Variants in PDGFC observed in about 807,000 individuals in gnomAD.
PDGFC encodes platelet derived growth factor C.
Under a neutral mutation model 35.5 loss-of-function variants are expected in PDGFC, and 12 were observed. The ratio of observed to expected loss-of-function variants is 0.34; its 90% confidence interval spans 0.22 to 0.55. The LOEUF is 0.55. Ranked by LOEUF, PDGFC falls within the 20% of genes least tolerant of loss-of-function variation. PDGFC has a pLI of 0.91. For missense variants in PDGFC, 322 were observed against 412.4 expected (o/e 0.78, Z 1.90); for synonymous variants, 159 against 148.8 (o/e 1.07, Z -0.50).
At chr4:156,806,391 A>G (rs1181430317) in intron 3 of PDGFC, among the ~76,000 whole-genome samples, 1 of 152,118 alleles carries the variant, frequency 6.6e-6, no homozygotes, top group Non-Finnish European at 1.5e-5. Flanking sequence ...TATTGTAAAC[A>G]TTATCATTAC....
At chr4:156,920,460 T>C (rs981655539) in intron 1 of PDGFC, among the ~76,000 whole-genome samples, 1 of 152,142 alleles carries the variant, frequency 6.6e-6, no homozygotes, top group African/African-American at 2.4e-5. Flanking sequence ...AAGATGAGTC[T>C]GCCTCCAAAG....
intron 3 of PDGFC, among the ~76,000 whole-genome samples, chr4:156,806,894 A>G (rs1039699247): frequency 6.6e-6 from 1 of 152,092 alleles, no homozygotes; most frequent in Admixed American, 6.6e-5. Context: ...TTTCTAAAAG[A>G]TCTGAAATGT....
chr4:156,938,422 T>A (rs1049136135), intron 1 of PDGFC, among the ~76,000 whole-genome samples: 1 of 152,142 alleles, frequency 6.6e-6, no homozygotes, highest in Admixed American at 6.5e-5. Context: ...TGATCAGAGA[T>A]TCATGGTCCT....
chr4:156,772,637 T>A, intron 4 of PDGFC, 49 bp downstream of exon 4: 1 of 1,186,210 alleles, frequency 8.4e-7, no homozygotes. Context: ...TCTGAAACAT[T>A]AGCTGTTAAG....
chr4:156,954,834 C>T (rs926578057), intron 1 of PDGFC, among the ~76,000 whole-genome samples: 4 of 151,962 alleles, frequency 2.6e-5, no homozygotes, highest in Non-Finnish European at 4.4e-5. Context: ...TAGAACCCAT[C>T]AATGATGATT....
rs566898926 is a variant in PDGFC at position 156,925,194 on chromosome 4, A to C, written c.118+45592T>G. 1.5e-4 allele frequency among the ~76,000 whole-genome samples: 23 copies of C among 152,334 alleles called. No individual in the cohort carries two copies. The Middle Eastern group carries it at 0.01, about 68-fold the overall frequency. ...AACTGTATGGGCAAAGGCAAAAACT[A>C]GTATATAATCTTGTCAGTAAAGCAG... is the stretch of plus-strand genomic sequence containing the variant. On this transcript the variant is annotated intron_variant, in intron 1 of 5. Transcript: ENST00000502773.
chr4:156,816,936 A>C (rs1579028420), intron 2 of PDGFC, among the ~76,000 whole-genome samples: 1 of 152,288 alleles, frequency 6.6e-6, no homozygotes, highest in South Asian at 2.1e-4. Flanking sequence ...ATTTATTTTA[A>C]TTAATTTGGT....
At chr4:156,878,933 T>C (rs1428338030) in intron 1 of PDGFC, among the ~76,000 whole-genome samples, 17 of 152,218 alleles carry the variant, frequency 1.1e-4, no homozygotes, top group Non-Finnish European at 2.5e-4. Context: ...AAGACTACCA[T>C]GATGCTTGAC....
chr4:156,826,167 G>A (rs867571904), intron 2 of PDGFC, among the ~76,000 whole-genome samples: 82 of 116,318 alleles, frequency 7.0e-4, no homozygotes, highest in African/African-American at 2.6e-3. Flanking sequence ...ATCCAGCTTT[G>A]AGTTGGATTT....
At chr4:156,943,170 C>G (rs1398203985) in intron 1 of PDGFC, among the ~76,000 whole-genome samples, 1 of 152,024 alleles carries the variant, frequency 6.6e-6, no homozygotes, top group Non-Finnish European at 1.5e-5. Context: ...GCTCAACCCC[C>G]CGGTGTATCA....
At chr4:156,959,626 T>C (rs905662931) in intron 1 of PDGFC, among the ~76,000 whole-genome samples, 1 of 152,072 alleles carries the variant, frequency 6.6e-6, no homozygotes, top group Non-Finnish European at 1.5e-5. Flanking sequence ...GTATTTCCAG[T>C]GCTTTATGCA....
At chr4:156,784,324 T>TGGA (rs1731061300) in intron 3 of PDGFC, among the ~76,000 whole-genome samples, 1 of 152,098 alleles carries the variant, frequency 6.6e-6, no homozygotes. Flanking sequence ...GAAGAGAGCC[T>TGGA]GGAGGTCTTA....
chr4:156,774,672 A>T (rs79688303), intron 3 of PDGFC, among the ~76,000 whole-genome samples: 18,459 of 124,938 alleles, frequency 0.15, 1,188 homozygotes, highest in South Asian at 0.24. Context: ...TTTTTTTTTT[A>T]ACAAAAGTTT....
intron 3 of PDGFC, among the ~76,000 whole-genome samples, chr4:156,788,972 G>T (rs1025144603): frequency 6.6e-6 from 1 of 152,170 alleles, no homozygotes; most frequent in African/African-American, 2.4e-5. Flanking sequence ...TGGTTAGTTT[G>T]TTCTTGGGTT....
chr4:156,781,510 C>T (rs947113305), intron 3 of PDGFC, among the ~76,000 whole-genome samples: 2 of 152,158 alleles, frequency 1.3e-5, no homozygotes, highest in Non-Finnish European at 2.9e-5. Context: ...AGATTATTCA[C>T]AGTGGAACTC....
chr4:156,885,033 T>C (rs1032343862), intron 1 of PDGFC, among the ~76,000 whole-genome samples: 1 of 152,194 alleles, frequency 6.6e-6, no homozygotes, highest in Non-Finnish European at 1.5e-5. Flanking sequence ...TTACTTGTTT[T>C]TCATATTTGG....
rs147478732 is a variant in PDGFC, at chr4:156,836,798, A to T, written c.314+13423T>A. Among the ~76,000 whole-genome samples the T allele has an allele frequency of 1.6e-3, 239 of 152,204 alleles. 1 individual carries two copies. Among genetic ancestry groups the T allele is most frequent in the African/African-American group, 5.6e-3 (234 of 41,538 alleles). ...TCTTTACTGTATAGGAAAACAATAA[A>T]TTTTTTTTGTAAAAGATTTTTTTTT... On this transcript the variant is annotated intron_variant, in intron 2 of 5. Transcript: ENST00000502773.
intron 1 of PDGFC, among the ~76,000 whole-genome samples, chr4:156,960,878 A>C (rs752708212): frequency 6.6e-6 from 1 of 152,192 alleles, no homozygotes; most frequent in South Asian, 2.1e-4. Context: ...GCAATCTGAA[A>C]ACACTAATCA....
Position 156,810,890 on chromosome 4 carries a change from C to A in PDGFC, c.442G>T (p.Glu148Ter). 1 of 1,608,776 alleles carries A rather than the reference C, an allele frequency of 6.2e-7. No homozygotes were observed. The change falls in exon 3 of 6, where the codon GAA becomes TAA. Residue 148 changes from glutamate (E) to a stop codon, truncating the protein, a stop_gained. Coordinates refer to ENST00000502773, the MANE Select transcript of PDGFC (RefSeq NM_016205.3). LOFTEE classifies it high-confidence loss of function. ...NQIRIRFVSD[E>*]YFPSEPGFCI... ...AACCCTGGTTCAGAAGGAAAATATT[C>A]ATCAGATACAAATCTTATCCTAATT...
Sources: gnomAD v4.1 joint callset for allele counts (sites outside exome capture counted in the v4.1 genomes callset) on GRCh38, gnomAD v4.1.1 for gene constraint, MANE v1.5 for transcripts, NCBI Gene and HGNC (gene_info 2026-07-23, HGNC 2026-07-21) for gene names.